The following LAMP2 variants were observed in gnomAD, a reference collection of about 807,000 sequenced individuals.
LAMP2 encodes lysosome associated membrane protein 2, also known as lysosome-associated membrane glycoprotein 2.
A neutral mutation model predicts 25.6 loss-of-function variants in LAMP2; 4 were observed. The ratio of observed to expected loss-of-function variants is 0.16; its 90% CI spans 0.08 to 0.36. The LOEUF is 0.36. Among genes scored for constraint, LAMP2 ranks in the 10% least tolerant of loss-of-function variants. LAMP2 has a pLI of 1.00. For synonymous variants in LAMP2, 108 were observed against 112.7 expected (o/e 0.96, Z 0.27); for missense variants, 272 against 301.4 (o/e 0.90, Z 0.72).
Position 120,430,529 on chromosome X carries a change from G to T in LAMP2, c.*794C>A, listed in dbSNP as rs2058518649. ...ATTTCTATCTTTCAATACTAATCAG[G>T]CATCCAAAGAAGAACAAAACAAGAA... On this transcript the variant is annotated 3_prime_UTR_variant, in exon 9 of 9. Transcript: ENST00000200639. 1.3e-6 allele frequency: 1 copy of T among 748,391 alleles called. No homozygotes were observed. Among genetic ancestry groups the T allele is most frequent in the South Asian group, 6.8e-5 (1 of 14,654 alleles). The allele number at this position is 748,391 out of a possible 1,213,427, so 61.7% of individuals were successfully genotyped here. A position where few individuals can be genotyped will look rare whatever the true frequency, so the allele number is the denominator to read the frequency against.
At chrX:120,459,711 A>C (rs917558127) in intron 1 of LAMP2, among the ~76,000 whole-genome samples, 2 of 112,366 alleles carry the variant, frequency 1.8e-5, no homozygotes, top group African/African-American at 6.5e-5. Flanking sequence ...GATGTAAGGG[A>C]AAAGTGCACG....
intron 1 of LAMP2, among the ~76,000 whole-genome samples, chrX:120,460,083 C>T (rs903417533): frequency 9.0e-6 from 1 of 110,768 alleles, no homozygotes; most frequent in African/African-American, 3.3e-5. Flanking sequence ...GAGTTCGAGA[C>T]CAGCCTGGCC....
chrX:120,449,225 C>A lies in LAMP2; in HGVS notation c.398-97G>T. 4.4e-6 allele frequency: 3 copies of A among 674,983 alleles called. 1 individual carries two copies. The highest frequency in any genetic ancestry group is 6.9e-6 in the Non-Finnish European group (3 of 436,256). 55.6% of individuals were successfully genotyped at this position (674,983 alleles called of 1,213,427 possible). ...TAGGCTTTCTTCTTCTCTCTGCCTG[C>A]CCTACCCCAGGCACAAAGTGACAAA... On this transcript the variant is annotated intron_variant, in intron 3 of 8. Coordinates refer to ENST00000200639, the MANE Select transcript of LAMP2 (RefSeq NM_002294.3).
chrX:120,447,696 C>T lies in LAMP2; in HGVS notation c.741+145G>A. 1.9e-5 allele frequency: 10 copies of T among 523,887 alleles called. No individual in the cohort carries two copies. The South Asian group carries it at 2.0e-4, about 11-fold the overall frequency. The allele number at this position is 523,887 out of a possible 1,213,427, so 43.2% of individuals were successfully genotyped here. On this transcript the variant is annotated intron_variant, in intron 5 of 8. Transcript: ENST00000200639. ...CTGCACTCCAGCCTGGGGGACAGAG[C>T]GTGACTCCATCTCAAAAAAACAAAC...
At chrX:120,442,458 T>A (rs2058577605) in intron 7 of LAMP2, 141 bp downstream of exon 7, 1 of 571,967 alleles carries the variant, frequency 1.7e-6, no homozygotes, top group African/African-American at 2.2e-5. Flanking sequence ...GTTACTGATT[T>A]TAAGGTATGA....
At chrX:120,436,169 C>CTCTCTCTCTG (rs1182470896) in intron 8 of LAMP2, among the ~76,000 whole-genome samples, 1 of 100,925 alleles carries the variant, frequency 9.9e-6, no homozygotes, top group East Asian at 2.9e-4. Flanking sequence ...CACACACACA[C>CTCTCTCTCTG]ACTCTCTCTC....
At chrX:120,460,378 G>C (rs1394917015) in intron 1 of LAMP2, among the ~76,000 whole-genome samples, 3 of 111,177 alleles carry the variant, frequency 2.7e-5, no homozygotes, top group Non-Finnish European at 5.7e-5. Flanking sequence ...TCCACACACA[G>C]TTCAAACTTG....
intron 1 of LAMP2, among the ~76,000 whole-genome samples, chrX:120,468,160 G>A (rs138417876): frequency 0.015 from 1,667 of 111,551 alleles, 36 homozygotes; most frequent in African/African-American, 0.052. Flanking sequence ...TAGGCTAGCT[G>A]TGTGATGGGG....
At chrX:120,445,375 A>T (rs1224990959) in intron 6 of LAMP2, among the ~76,000 whole-genome samples, 1 of 112,757 alleles carries the variant, frequency 8.9e-6, no homozygotes, top group African/African-American at 3.2e-5. Context: ...CTAAAGAGAA[A>T]AATGTGCTTT....
chrX:120,433,057 C>G (rs1278568707), intron 8 of LAMP2, among the ~76,000 whole-genome samples: 1 of 111,696 alleles, frequency 9.0e-6, no homozygotes, highest in East Asian at 2.8e-4. Context: ...GACAAAAACC[C>G]TTGGGAACAC....
At position 120,428,712 on chromosome X, in the gene LAMP2, T is replaced by G; in HGVS notation, c.*2611A>C. Reference sequence around the variant, plus strand: ...AAAAGCATGCAAGAAACATGCATTTTGAAAGTGTACATAGCTTAGTTTTTT... The same window carrying G: ...AAAAGCATGCAAGAAACATGCATTTGGAAAGTGTACATAGCTTAGTTTTTT... On this transcript the variant is annotated 3_prime_UTR_variant, in exon 9 of 9. Transcript: ENST00000200639. The G allele has an allele frequency of 9.0e-7, 1 of 1,106,894 alleles. No homozygotes were observed. Among genetic ancestry groups the G allele is most frequent in the Non-Finnish European group, 1.2e-6 (1 of 849,188 alleles). The allele number at this position is 1,106,894 out of a possible 1,213,427, so 91.2% of individuals were successfully genotyped here.
chrX:120,451,734 G>A (rs757196724), intron 3 of LAMP2, among the ~76,000 whole-genome samples: 1 of 111,668 alleles, frequency 9.0e-6, no homozygotes, highest in South Asian at 3.7e-4. Flanking sequence ...CCAAAGTGCT[G>A]GGATTACAGG....
intron 8 of LAMP2, chrX:120,438,845 T>A: frequency 1.2e-6 from 1 of 858,850 alleles, no homozygotes; most frequent in Non-Finnish European, 1.4e-6. Context: ...AAACGGTGTA[T>A]TTTTAGTCTG....
intron 6 of LAMP2, 103 bp downstream of exon 6, chrX:120,446,202 C>G (rs1247208552): frequency 1.3e-6 from 1 of 751,914 alleles, no homozygotes; most frequent in Non-Finnish European, 2.0e-6. Flanking sequence ...TACTGTAGAA[C>G]TGGAAAATAA....
chrX:120,448,291 G>A (rs1233485259), intron 4 of LAMP2, among the ~76,000 whole-genome samples: 1 of 111,892 alleles, frequency 8.9e-6, no homozygotes, highest in Non-Finnish European at 1.9e-5. Context: ...CCACATACTC[G>A]TCTTTTTCAG....
intron 1 of LAMP2, among the ~76,000 whole-genome samples, chrX:120,459,666 T>C (rs1921238861): frequency 8.9e-6 from 1 of 112,325 alleles, no homozygotes; most frequent in African/African-American, 3.2e-5. Context: ...ACATTTGATA[T>C]GTAACATATG....
rs985041545 is a variant in LAMP2, at chrX:120,452,354, C to T, written c.397+3003G>A. Reference sequence around the variant, plus strand: ...ACTGCCGCATATGCTATGCTTCCCCCTGCTGGAAACATCCTGCTCAAAATC... The same window carrying T: ...ACTGCCGCATATGCTATGCTTCCCCTTGCTGGAAACATCCTGCTCAAAATC... On this transcript the variant is annotated intron_variant, in intron 3 of 8. Transcript: ENST00000200639. 3.6e-5 allele frequency among the ~76,000 whole-genome samples: 4 copies of T among 110,704 alleles called. No homozygotes were observed. In the Admixed American group the frequency reaches 3.9e-4, roughly 11 times the overall value.
intron 6 of LAMP2, among the ~76,000 whole-genome samples, chrX:120,445,712 G>A (rs919374960): frequency 8.9e-6 from 1 of 112,202 alleles, no homozygotes; most frequent in African/African-American, 3.2e-5. Context: ...GCAAGAAGTA[G>A]AACAGGTATG....
At chrX:120,437,714 G>C (rs2058551604) in intron 8 of LAMP2, 2 of 746,020 alleles carry the variant, frequency 2.7e-6, no homozygotes, top group South Asian at 1.4e-4. Context: ...GTTTTGATTA[G>C]CACAGAACCA....
Sources: gnomAD v4.1 joint callset for allele counts (sites outside exome capture counted in the v4.1 genomes callset) on GRCh38, gnomAD v4.1.1 for gene constraint, MANE v1.5 for transcripts, NCBI Gene and HGNC (gene_info 2026-07-23, HGNC 2026-07-21) for gene names.